Variants in XPNPEP1 observed in about 807,000 individuals in gnomAD.
XPNPEP1 encodes the protein X-prolyl aminopeptidase 1.
XPNPEP1 carries 39 observed loss-of-function variants against 92.4 expected under a neutral mutation model. That is an observed-to-expected ratio of 0.42 (90% CI 0.33 to 0.55). The LOEUF (loss-of-function observed/expected upper bound fraction) is 0.55. Ranked by LOEUF, XPNPEP1 falls within the 20% of genes least tolerant of loss-of-function variation. The probability of loss-of-function intolerance (pLI) is 0.08; values close to 1 mark genes in which losing one functional copy is unlikely to be tolerated. For missense variants in XPNPEP1, 654 were observed against 856.1 expected (o/e 0.76, Z 2.95); for synonymous variants, 307 against 299.4 (o/e 1.03, Z -0.26).
chr10:109,876,714 T>C (rs920607305), intron 14 of XPNPEP1: 3 of 152,278 alleles, frequency 2.0e-5, no homozygotes, highest in African/African-American at 7.2e-5. Flanking sequence ...GGGAAAAAAG[T>C]GTGTGCCCAA....
At chr10:109,885,949 A>C (rs1035827590) in intron 8 of XPNPEP1, among the ~76,000 whole-genome samples, 7 of 152,222 alleles carry the variant, frequency 4.6e-5, no homozygotes, top group African/African-American at 9.7e-5. Flanking sequence ...AGGCTGACAG[A>C]CATAAAATAT....
At chr10:109,869,895 T>C in intron 19 of XPNPEP1, 58 bp downstream of exon 19, 1 of 1,558,868 alleles carries the variant, frequency 6.4e-7, no homozygotes, top group Non-Finnish European at 8.8e-7. Context: ...CAATGAGGTC[T>C]ATCCGAGGCG....
In XPNPEP1 at chr10:109,870,915, TAA is replaced by T; in HGVS notation, c.1523-13_1523-12del. ...AGTCAAGAAGGTGACCTGAAAGACA[TAA>T]AGAGCCACTTAATTGTATTTGTACA... On this transcript the variant is annotated splice_polypyrimidine_tract_variant and intron_variant, in intron 17 of 20. Transcript: ENST00000502935. The T allele has an allele frequency of 6.2e-7, 1 of 1,611,866 alleles. No homozygotes were observed. Among genetic ancestry groups the T allele is most frequent in the Non-Finnish European group, 8.5e-7 (1 of 1,179,158 alleles).
chr10:109,909,903 C>T (rs533101739), intron 2 of XPNPEP1, among the ~76,000 whole-genome samples: 2 of 152,254 alleles, frequency 1.3e-5, no homozygotes, highest in South Asian at 2.1e-4. Context: ...TATCTGCATC[C>T]CCAACCAGAG....
At chr10:109,871,158 C>T (rs1847448670) in intron 17 of XPNPEP1, 1 of 372,728 alleles carries the variant, frequency 2.7e-6, no homozygotes. Context: ...ACACAGAGGC[C>T]GTATCAGACA....
At chr10:109,890,573 TGTGTGTGTGTGTGTGTGTGTGAGA>T (rs1848642364) in intron 5 of XPNPEP1, among the ~76,000 whole-genome samples, 2 of 89,694 alleles carry the variant, frequency 2.2e-5, no homozygotes, top group African/African-American at 4.8e-5. Flanking sequence ...TGTGTGTGTG[TGTGTGTGTGTGTGTGTGTGTGAGA>T]GAGAGAGAGA....
At position 109,885,934 on chromosome 10, in the gene XPNPEP1, T is replaced by C. The variant is rs1848363161; in HGVS notation, c.748+312A>G. Among the ~76,000 whole-genome samples the C allele has an allele frequency of 2.6e-5, 4 of 152,170 alleles. No homozygotes were observed. The South Asian group carries it at 6.2e-4, about 24-fold the overall frequency. ...TCTCCTATGAGCCCACTTCTACACC[T>C]ACAGAGGCTGACAGACATAAAATAT... On this transcript the variant is annotated intron_variant, in intron 8 of 20. Coordinates refer to ENST00000502935, the MANE Select transcript of XPNPEP1 (RefSeq NM_020383.4).
At chr10:109,922,473 C>T (rs570501257) in intron 1 of XPNPEP1, among the ~76,000 whole-genome samples, 5 of 152,340 alleles carry the variant, frequency 3.3e-5, no homozygotes, top group African/African-American at 1.2e-4. Context: ...GTCTGGTTTT[C>T]TGCTCACCCT....
At chr10:109,899,522 A>T (rs1849167350) in intron 3 of XPNPEP1, among the ~76,000 whole-genome samples, 1 of 152,222 alleles carries the variant, frequency 6.6e-6, no homozygotes, top group Non-Finnish European at 1.5e-5. Context: ...GGCCACTGAA[A>T]CTTCGAGATG....
At chr10:109,897,558 C>A (rs1264388868) in intron 3 of XPNPEP1, among the ~76,000 whole-genome samples, 3 of 152,170 alleles carry the variant, frequency 2.0e-5, no homozygotes, top group African/African-American at 7.2e-5. Context: ...TCATCCCTCG[C>A]TAATCTACAG....
chr10:109,865,337 C>T (rs1453049260), intron 20 of XPNPEP1, 25 bp from the exon 21 acceptor site: 17 of 1,613,656 alleles, frequency 1.1e-5, no homozygotes, highest in African/African-American at 1.3e-5. Context: ...AGGACAGACA[C>T]GGTATTCACC....
In XPNPEP1 at chr10:109,870,840, C is replaced by T. The variant is rs920869143; in HGVS notation, c.1587G>A (p.Gly529=). The change falls in exon 18 of 21, where the codon GGG becomes GGA. Residue 529 remains glycine, a synonymous_variant. Coordinates refer to ENST00000502935, the MANE Select transcript of XPNPEP1 (RefSeq NM_020383.4). ...AAAAAGACCCAACACCATGTCCAGTCCCGTGCAAGTAATCTAGGCCTGAAT... is the reference window on the plus strand; with the variant it reads ...AAAAAGACCCAACACCATGTCCAGTTCCGTGCAAGTAATCTAGGCCTGAAT... ...LWDSGLDYLH[G]TGHGVGSFLN... The T allele has an allele frequency of 6.2e-7, 1 of 1,614,104 alleles. No individual in the cohort carries two copies. Among genetic ancestry groups the T allele is most frequent in the Non-Finnish European group, 8.5e-7 (1 of 1,180,020 alleles).
At chr10:109,878,107 G>A (rs772167649) in intron 12 of XPNPEP1, 49 bp from the exon 13 acceptor site, 21 of 1,604,180 alleles carry the variant, frequency 1.3e-5, no homozygotes, top group Non-Finnish European at 1.7e-5. Flanking sequence ...ATTCATGTGT[G>A]CCTCTTACAA....
At chr10:109,912,834 C>G (rs1483327124) in intron 2 of XPNPEP1, among the ~76,000 whole-genome samples, 1 of 152,180 alleles carries the variant, frequency 6.6e-6, no homozygotes, top group African/African-American at 2.4e-5. Flanking sequence ...ATCCATGTAT[C>G]TACAATTAAC....
At chr10:109,914,952 G>A (rs1164008217) in intron 2 of XPNPEP1, 59 bp downstream of exon 2, 2 of 1,115,682 alleles carry the variant, frequency 1.8e-6, no homozygotes, top group Non-Finnish European at 2.5e-6. Flanking sequence ...CCTGGGGTTG[G>A]GGTGGAGATC....
intron 14 of XPNPEP1, 59 bp downstream of exon 14, chr10:109,877,731 G>C: frequency 6.2e-7 from 1 of 1,604,702 alleles, no homozygotes; most frequent in Non-Finnish European, 8.5e-7. Context: ...TCTCTCCCCT[G>C]CTCAGGCTCC....
At chr10:109,872,122 C>A (rs538446509) in intron 16 of XPNPEP1, among the ~76,000 whole-genome samples, 1 of 152,326 alleles carries the variant, frequency 6.6e-6, no homozygotes, top group Non-Finnish European at 1.5e-5. Flanking sequence ...CTGACATACT[C>A]CATCATGTGA....
In XPNPEP1 at chr10:109,870,877, G is replaced by T. The variant is rs1475237252; in HGVS notation, c.1550C>A (p.Ser517Ter). The change falls in exon 18 of 21, where the codon TCA becomes TAA. Residue 517 changes from serine to a stop codon, truncating the protein, a stop_gained. Coordinates refer to ENST00000502935, the MANE Select transcript of XPNPEP1 (RefSeq NM_020383.4). LOFTEE classifies it high-confidence loss of function. ...KGHLLDSFAR[S>*]ALWDSGLDYL... ...ATCTAGGCCTGAATCCCATAAAGCT[G>T]AACGGGCAAAGGAGTCAAGAAGGTG... 6.2e-7 allele frequency: 1 copy of T among 1,613,900 alleles called. No homozygotes were observed. The highest frequency in any genetic ancestry group is 8.5e-7 in the Non-Finnish European group (1 of 1,179,964).
In XPNPEP1 at chr10:109,877,858, T is replaced by C; in HGVS notation, c.1251A>G (p.Ala417=). The change falls in exon 14 of 21, where the codon GCA becomes GCG. Residue 417 remains alanine (A), a synonymous_variant. Coordinates refer to ENST00000502935, the MANE Select transcript of XPNPEP1 (RefSeq NM_020383.4). ...DKAEEFRRQQ[A]DFVDLSFPTI... ...TTGGGAAGCTCAGGTCCACAAAGTC[T>C]GCCTGTTGCCTGTAACAGAAAGACA... 6.2e-7 allele frequency: 1 copy of C among 1,614,256 alleles called. No individual in the cohort carries two copies. Among genetic ancestry groups the C allele is most frequent in the Non-Finnish European group, 8.5e-7 (1 of 1,180,050 alleles).
Sources: gnomAD v4.1 joint callset for allele counts (sites outside exome capture counted in the v4.1 genomes callset) on GRCh38, gnomAD v4.1.1 for gene constraint, MANE v1.5 for transcripts, NCBI Gene and HGNC (gene_info 2026-07-23, HGNC 2026-07-21) for gene names.